RNF17: variants seen among roughly 807,000 people sequenced by gnomAD.
The protein encoded by RNF17 is spermatogenesis associated 23.
In RNF17, 31 loss-of-function variants were observed where a neutral mutation model predicts 200.5. The ratio of observed to expected loss-of-function variants is 0.15; its 90% CI spans 0.12 to 0.21. The LOEUF (loss-of-function observed/expected upper bound fraction) is 0.21, where lower values mean the gene tolerates loss of function less well. RNF17 is among the 10% of genes least tolerant of loss of function. The probability of loss-of-function intolerance (pLI) is 1.00; values close to 1 mark genes in which losing one functional copy is unlikely to be tolerated. For missense variants in RNF17, 1,628 were observed against 1,905.1 expected (o/e 0.85, Z 2.71); for synonymous variants, 606 against 637.8 (o/e 0.95, Z 0.75).
downstream of RNF17, chr13:24,883,071 A>ATCTT: frequency 9.7e-7 from 1 of 1,035,310 alleles, no homozygotes; most frequent in East Asian, 2.4e-5. Context: ...TTAGAATCTA[A>ATCTT]TCTTTTCCCC....
At chr13:24,871,726 G>A (rs565222845) in intron 32 of RNF17, among the ~76,000 whole-genome samples, 2 of 149,894 alleles carry the variant, frequency 1.3e-5, no homozygotes, top group South Asian at 4.2e-4. Context: ...TCTGTCCCCT[G>A]GGTTCAAGCA....
intron 15 of RNF17, among the ~76,000 whole-genome samples, chr13:24,807,457 G>A (rs1593300737): frequency 6.6e-6 from 1 of 152,304 alleles, no homozygotes; most frequent in East Asian, 1.9e-4. Context: ...CTTTTGAGAA[G>A]TGTCTGTTCA....
Position 24,823,874 on chromosome 13 carries a change from C to T in RNF17, c.2092-1745C>T, listed in dbSNP as rs74748645. ...TTGGTACTCCCCTTTGCCACGTTTA[C>T]AAGTGGTCCCTGCAGTTCTTCCTGC... On this transcript the variant is annotated intron_variant, in intron 15 of 35. Coordinates refer to ENST00000255324, the MANE Select transcript of RNF17 (RefSeq NM_031277.3). Among the ~76,000 whole-genome samples, 360 of 152,342 alleles carry T rather than the reference C, an allele frequency of 2.4e-3. 4 individuals are homozygous for T. Among genetic ancestry groups the T allele is most frequent in the Admixed American group, 1.3e-3 (20 of 15,304 alleles).
At chr13:24,779,582 T>A in intron 4 of RNF17, 85 bp from the exon 5 acceptor site, 1 of 1,032,290 alleles carries the variant, frequency 9.7e-7, no homozygotes, top group East Asian at 2.5e-5. Flanking sequence ...AACGGTAGCC[T>A]GAATTTTTTG....
chr13:24,855,688 G>A (rs1404043848), intron 25 of RNF17, among the ~76,000 whole-genome samples: 1 of 151,526 alleles, frequency 6.6e-6, no homozygotes. Flanking sequence ...TTTCAAAGTT[G>A]TTTATAACAG....
chr13:24,872,958 T>C (rs1056610152), intron 32 of RNF17, among the ~76,000 whole-genome samples: 3 of 144,154 alleles, frequency 2.1e-5, no homozygotes, highest in Non-Finnish European at 3.1e-5. Flanking sequence ...GTGGTAGAAG[T>C]TGTTTGGGAG....
chr13:24,837,539 A>G (rs1162433729), intron 18 of RNF17, among the ~76,000 whole-genome samples: 1 of 152,238 alleles, frequency 6.6e-6, no homozygotes, highest in Non-Finnish European at 1.5e-5. Context: ...ATCAACTTCA[A>G]AAGGAACCTT....
chr13:24,841,870 G>A (rs1890674944), intron 18 of RNF17, among the ~76,000 whole-genome samples, 171 bp from the exon 19 acceptor site: 1 of 152,078 alleles, frequency 6.6e-6, no homozygotes, highest in Non-Finnish European at 1.5e-5. Flanking sequence ...GGAGGCTCAG[G>A]CAGGAGAATC....
chr13:24,821,729 A>G (rs1888076290), intron 15 of RNF17, among the ~76,000 whole-genome samples: 1 of 152,114 alleles, frequency 6.6e-6, no homozygotes, highest in Non-Finnish European at 1.5e-5. Context: ...TTTTATTCAT[A>G]CATCATTTTC....
At chr13:24,873,172 C>A (rs1218140382) in intron 32 of RNF17, among the ~76,000 whole-genome samples, 1 of 144,426 alleles carries the variant, frequency 6.9e-6, no homozygotes, top group Admixed American at 6.8e-5. Context: ...TGATGGCCCA[C>A]GCTAGAAGAG....
intron 15 of RNF17, among the ~76,000 whole-genome samples, 188 bp downstream of exon 15, chr13:24,804,617 A>C (rs914623464): frequency 1.7e-4 from 26 of 152,206 alleles, no homozygotes; most frequent in African/African-American, 6.3e-4. Context: ...AAATTGAAAG[A>C]ACAATGAAGG....
chr13:24,837,174 TCA>T (rs1566201591), intron 18 of RNF17, among the ~76,000 whole-genome samples: 1 of 152,110 alleles, frequency 6.6e-6, no homozygotes, highest in Non-Finnish European at 1.5e-5. Flanking sequence ...CAGGAAAGTA[TCA>T]CAGTCTTAAA....
At chr13:24,857,655 A>G (rs1892662217) in intron 25 of RNF17, among the ~76,000 whole-genome samples, 1 of 152,198 alleles carries the variant, frequency 6.6e-6, no homozygotes, top group African/African-American at 2.4e-5. Context: ...TAATCTCAGC[A>G]CTTCAGGTCA....
rs761626073 is a variant in RNF17, at chr13:24,850,309, A to G, written c.3102-32A>G. On this transcript the variant is annotated intron_variant, in intron 22 of 35. Transcript: ENST00000255324. ...TATTTCAATATTGTATGCTATTTTT[A>G]TAAAACAAGTTGCCACTGTTTTCTG... 36 of 1,396,270 alleles carry G rather than the reference A, an allele frequency of 2.6e-5. No individual in the cohort carries two copies. In the South Asian group the frequency reaches 4.3e-4, roughly 17 times the overall value. 86.5% of individuals were successfully genotyped at this position (1,396,270 alleles called of 1,614,324 possible).
At chr13:24,773,057 CA>C (rs1881018291) in intron 2 of RNF17, among the ~76,000 whole-genome samples, 1 of 152,142 alleles carries the variant, frequency 6.6e-6, no homozygotes. Flanking sequence ...CAAAAACTAA[CA>C]GATGTTGTCA....
At chr13:24,847,637 G>A (rs1203120251) in intron 22 of RNF17, among the ~76,000 whole-genome samples, 2 of 152,044 alleles carry the variant, frequency 1.3e-5, no homozygotes, top group Non-Finnish European at 2.9e-5. Flanking sequence ...GAGTCACCAC[G>A]CCTGGCCTAA....
intron 28 of RNF17, 89 bp downstream of exon 28, chr13:24,862,882 AATGG>A: frequency 1.3e-6 from 1 of 767,690 alleles, no homozygotes; most frequent in East Asian, 2.8e-5. Flanking sequence ...GATGATAAGC[AATGG>A]TATATACCTT....
chr13:24,804,878 T>A (rs916251218), intron 15 of RNF17, among the ~76,000 whole-genome samples: 3 of 152,224 alleles, frequency 2.0e-5, no homozygotes, highest in African/African-American at 7.2e-5. Context: ...TTCATCCTTA[T>A]TGATTTCTGG....
rs140874427 is a variant in RNF17 at position 24,775,509 on chromosome 13, T to C, written c.317+605T>C. The stretch of plus-strand genomic sequence containing the variant: ...TAAGTGATCCTTCTGCCTCAGCCTC[T>C]CAAAGTGCTGGAATTACAGCCGTGA... On this transcript the variant is annotated intron_variant, in intron 3 of 35. Transcript: ENST00000255324. Among the ~76,000 whole-genome samples the C allele has an allele frequency of 4.4e-3, 664 of 152,254 alleles. 4 individuals are homozygous for C. The highest frequency in any genetic ancestry group is 0.015 in the African/African-American group (631 of 41,544).
Sources: gnomAD v4.1 joint callset for allele counts (sites outside exome capture counted in the v4.1 genomes callset) on GRCh38, gnomAD v4.1.1 for gene constraint, MANE v1.5 for transcripts, NCBI Gene and HGNC (gene_info 2026-07-23, HGNC 2026-07-21) for gene names.